FYN: variants seen among roughly 807,000 people sequenced by gnomAD.
The protein encoded by FYN is tyrosine-protein kinase Fyn.
In FYN, 10 loss-of-function variants were observed where a neutral mutation model predicts 70.2. That is an observed-to-expected ratio of 0.14 (90% CI 0.09 to 0.24). The LOEUF (loss-of-function observed/expected upper bound fraction) is 0.24. Ranked by LOEUF, FYN falls within the 10% of genes least tolerant of loss-of-function variation. The pLI, the probability that FYN is intolerant of heterozygous loss-of-function variation, is 1.00. For missense variants in FYN, 319 were observed against 673.1 expected (o/e 0.47, Z 5.82); for synonymous variants, 236 against 248.6 (o/e 0.95, Z 0.48).
At chr6:111,773,332 GGGAAA>G (rs1436435191) in intron 3 of FYN, among the ~76,000 whole-genome samples, 18 of 72,256 alleles carry the variant, frequency 2.5e-4, no homozygotes, top group Admixed American at 5.1e-4. Flanking sequence ...GGGAGGGAGA[GGGAAA>G]GGGAGAGGGA....
chr6:111,696,046 A>G (rs1315394184), intron 10 of FYN, among the ~76,000 whole-genome samples: 4 of 152,252 alleles, frequency 2.6e-5, no homozygotes, highest in Admixed American at 6.5e-5. Flanking sequence ...TCTGACACAC[A>G]TAACATGTAA....
intron 12 of FYN, among the ~76,000 whole-genome samples, chr6:111,681,766 A>G (rs146325337): frequency 2.0e-5 from 3 of 152,290 alleles, no homozygotes; most frequent in African/African-American, 7.2e-5. Flanking sequence ...AGCGCTTGCT[A>G]AGAGTCAGGC....
intron 2 of FYN, among the ~76,000 whole-genome samples, chr6:111,836,442 T>C (rs1773189305): frequency 6.6e-6 from 1 of 151,546 alleles, no homozygotes; most frequent in Non-Finnish European, 1.5e-5. Flanking sequence ...TTTTAAATTA[T>C]ATTTCCAACA....
At chr6:111,871,030 T>C (rs945882343) in intron 1 of FYN, among the ~76,000 whole-genome samples, 1 of 152,196 alleles carries the variant, frequency 6.6e-6, no homozygotes, top group Non-Finnish European at 1.5e-5. Flanking sequence ...TCATAACTCT[T>C]TTCTAATAAA....
chr6:111,820,549 A>T (rs2114360542), intron 2 of FYN, among the ~76,000 whole-genome samples: 1 of 152,320 alleles, frequency 6.6e-6, no homozygotes, highest in East Asian at 1.9e-4. Context: ...CGCTTAGGAT[A>T]TTTACGTTTG....
intron 3 of FYN, among the ~76,000 whole-genome samples, chr6:111,734,995 A>G (rs1453543978): frequency 1.3e-5 from 2 of 152,206 alleles, no homozygotes; most frequent in Non-Finnish European, 2.9e-5. Flanking sequence ...GAGGGGACAC[A>G]GAGGGAGTTC....
chr6:111,742,849 G>A (rs17072864), intron 3 of FYN, among the ~76,000 whole-genome samples: 19,075 of 152,132 alleles, frequency 0.13, 2,063 homozygotes, highest in African/African-American at 0.29. Context: ...AGGTCCCCAT[G>A]CCTACAAATA....
chr6:111,761,479 T>C (rs946724165), intron 3 of FYN, among the ~76,000 whole-genome samples: 9 of 152,220 alleles, frequency 5.9e-5, no homozygotes, highest in African/African-American at 2.2e-4. Flanking sequence ...ATGAATGGTA[T>C]GAATGGCAGT....
At chr6:111,732,874 C>T (rs576933125) in intron 3 of FYN, among the ~76,000 whole-genome samples, 9 of 152,186 alleles carry the variant, frequency 5.9e-5, no homozygotes, top group East Asian at 1.9e-4. Context: ...GACAGCTTCA[C>T]GGAGCACAGC....
At chr6:111,728,595 C>T (rs1351773271) in intron 3 of FYN, among the ~76,000 whole-genome samples, 4 of 152,216 alleles carry the variant, frequency 2.6e-5, no homozygotes, top group African/African-American at 9.7e-5. Flanking sequence ...AACAGAGTCA[C>T]ATCATATGTG....
In FYN at chr6:111,780,566, CA is replaced by C. The variant is rs775681711; in HGVS notation, c.-13del. 11 of 152,572 alleles carry C rather than the reference CA, an allele frequency of 7.2e-5. No homozygotes were observed. Among genetic ancestry groups the C allele is most frequent in the Admixed American group, 1.3e-4 (2 of 15,284 alleles). 9.5% of individuals were successfully genotyped at this position (152,572 alleles called of 1,614,324 possible). A position where few individuals can be genotyped will look rare whatever the true frequency, so the allele number is the denominator to read the frequency against. ...TAGAAGTAAATGCAGCAACACTTAC[CA>C]AAATGTCCGCCAACGATCACAAACT... On this transcript the variant is annotated splice_region_variant and 5_prime_UTR_variant, in exon 3 of 14. Coordinates refer to ENST00000354650, the MANE Select transcript of FYN (RefSeq NM_002037.5).
chr6:111,674,533 T>C lies in FYN; in HGVS notation c.1371A>G (p.Thr457=). The stretch of plus-strand genomic sequence containing the variant: ...GCACTCTTCCTTTGGTGACCAGCTC[T>C]GTGAGTAAGATTCCAAAAGACCACA... ...SDVWSFGILL[T]ELVTKGRVPY... The change falls in exon 13 of 14, where the codon ACA becomes ACG. Residue 457 remains threonine (T), a synonymous_variant. Coordinates refer to ENST00000354650, the MANE Select transcript of FYN (RefSeq NM_002037.5). 1 of 1,614,006 alleles carries C rather than the reference T, an allele frequency of 6.2e-7. No individual in the cohort carries two copies. Among genetic ancestry groups the C allele is most frequent in the Admixed American group, 1.7e-5 (1 of 60,022 alleles).
At chr6:111,786,287 CCTATGAG>C (rs1033551319) in intron 2 of FYN, among the ~76,000 whole-genome samples, 19 of 152,124 alleles carry the variant, frequency 1.2e-4, no homozygotes, top group African/African-American at 4.1e-4. Flanking sequence ...TCAATTCCCA[CCTATGAG>C]TGAGAACATG....
At chr6:111,696,176 G>C (rs971922078) in intron 10 of FYN, 101 bp downstream of exon 10, 11 of 1,054,666 alleles carry the variant, frequency 1.0e-5, no homozygotes, top group Non-Finnish European at 1.3e-5. Context: ...ACTTGACCCA[G>C]GCAGAAACTA....
intron 3 of FYN, 112 bp from the exon 4 acceptor site, chr6:111,720,174 T>A: frequency 8.0e-7 from 1 of 1,251,218 alleles, no homozygotes; most frequent in Non-Finnish European, 1.1e-6. Flanking sequence ...ATTTCAGGCC[T>A]ATTAGGGGGC....
intron 2 of FYN, among the ~76,000 whole-genome samples, chr6:111,811,750 G>A (rs551424504): frequency 2.0e-5 from 3 of 152,272 alleles, no homozygotes; most frequent in African/African-American, 4.8e-5. Context: ...TAATTAGATC[G>A]TTCTGCCAGG....
chr6:111,753,424 G>A (rs1802573357), intron 3 of FYN, among the ~76,000 whole-genome samples: 1 of 152,184 alleles, frequency 6.6e-6, no homozygotes, highest in African/African-American at 2.4e-5. Flanking sequence ...GGTGGTCTCA[G>A]GAGGCCTAAA....
intron 12 of FYN, among the ~76,000 whole-genome samples, chr6:111,693,619 A>C (rs974735544): frequency 1.1e-4 from 16 of 152,206 alleles, no homozygotes; most frequent in African/African-American, 3.4e-4. Flanking sequence ...AATTTCTATA[A>C]ATTTTTGCAG....
chr6:111,779,700 G>A (rs887199493), intron 3 of FYN, among the ~76,000 whole-genome samples: 2 of 152,150 alleles, frequency 1.3e-5, no homozygotes, highest in African/African-American at 4.8e-5. Context: ...TAGCTGGGAT[G>A]CTCTAGCAAC....
Sources: gnomAD v4.1 joint callset for allele counts (sites outside exome capture counted in the v4.1 genomes callset) on GRCh38, gnomAD v4.1.1 for gene constraint, MANE v1.5 for transcripts, NCBI Gene and HGNC (gene_info 2026-07-23, HGNC 2026-07-21) for gene names.